Variants in GLE1 observed in about 807,000 individuals in gnomAD.
The protein encoded by GLE1 is mRNA export factor GLE1.
A neutral mutation model predicts 97.3 loss-of-function variants in GLE1; 78 were observed. The ratio of observed to expected loss-of-function variants is 0.80; its 90% CI spans 0.67 to 0.97. The LOEUF (loss-of-function observed/expected upper bound fraction) is 0.97. GLE1 is among the 50% of genes least tolerant of loss of function. The pLI is 0.00. For synonymous variants in GLE1, 302 were observed against 313.4 expected (o/e 0.96, Z 0.39); for missense variants, 753 against 857.5 (o/e 0.88, Z 1.52).
intron 15 of GLE1, chr9:128,540,821 C>A: frequency 2.1e-6 from 1 of 467,954 alleles, no homozygotes. Context: ...TTCAGCTTCT[C>A]AAAGCTCGAT....
chr9:128,520,048 G>A (rs1021018318), intron 3 of GLE1, among the ~76,000 whole-genome samples: 7 of 151,998 alleles, frequency 4.6e-5, no homozygotes, highest in African/African-American at 7.2e-5. Flanking sequence ...TCAAGAGATC[G>A]AGACCATCCT....
intron 9 of GLE1, among the ~76,000 whole-genome samples, chr9:128,529,998 G>A (rs1223898845): frequency 6.6e-6 from 1 of 152,050 alleles, no homozygotes; most frequent in Non-Finnish European, 1.5e-5. Flanking sequence ...GGATTTCAAC[G>A]TGTTAGCCAG....
In GLE1 at chr9:128,538,107, T is replaced by C. The variant is rs1847776362; in HGVS notation, c.1881+17T>C. 4 of 1,379,768 alleles carry C rather than the reference T, an allele frequency of 2.9e-6. No homozygotes were observed. Among genetic ancestry groups the C allele is most frequent in the Admixed American group, 1.7e-5 (1 of 59,480 alleles). The allele number at this position is 1,379,768 out of a possible 1,614,324, so 85.5% of individuals were successfully genotyped here. On this transcript the variant is annotated intron_variant, in intron 13 of 15. Coordinates refer to ENST00000309971, the MANE Select transcript of GLE1 (RefSeq NM_001003722.2). ...TTCCTGGAGGTACGTAACTCAGTTA[T>C]CACACAAGAGAAGGCCAGTGGTTGA... is the stretch of plus-strand genomic sequence containing the variant.
chr9:128,514,669 TGTTTAGTAGAGACAGG>T (rs1485306718), intron 2 of GLE1, among the ~76,000 whole-genome samples: 3 of 152,048 alleles, frequency 2.0e-5, no homozygotes, highest in East Asian at 3.9e-4. Flanking sequence ...GTCTTGTGTA[TGTTTAGTAGAGACAGG>T]GTTTAGTAGA....
intron 13 of GLE1, among the ~76,000 whole-genome samples, chr9:128,538,465 C>G (rs1324973320): frequency 6.6e-6 from 1 of 151,886 alleles, no homozygotes; most frequent in Non-Finnish European, 1.5e-5. Flanking sequence ...GAGTTCGAGC[C>G]CAGCTGGTCA....
chr9:128,505,575 G>A (rs1846618045), intron 1 of GLE1, among the ~76,000 whole-genome samples: 2 of 152,206 alleles, frequency 1.3e-5, no homozygotes, highest in Admixed American at 6.5e-5. Flanking sequence ...GCCAGCATAT[G>A]TGCTTTCAAA....
Position 128,533,593 on chromosome 9 carries a change from T to A in GLE1, c.1393T>A (p.Ser465Thr), listed in dbSNP as rs141709685. 2.4e-4 allele frequency: 395 copies of A among 1,613,948 alleles called. 1 individual carries two copies. The African/African-American group carries it at 4.9e-3, about 20-fold the overall frequency. ...TGTTCAATCTGGTGGGCGCTCTGTGTCTGTCACACTTAACCCACAGGGGCT... is the reference window on the plus strand; with the variant it reads ...TGTTCAATCTGGTGGGCGCTCTGTGACTGTCACACTTAACCCACAGGGGCT... ...KPVQSGGRSV[S>T]VTLNPQGLDF... is the part of the protein sequence containing the mutation. The change falls in exon 10 of 16, where the codon TCT (serine) becomes ACT (threonine). Residue 465 changes from serine to threonine, a missense_variant. By Grantham distance (58) the Ser-to-Thr change is moderately conservative (BLOSUM62 1). Transcript: ENST00000309971.
intron 11 of GLE1, among the ~76,000 whole-genome samples, chr9:128,534,360 G>A (rs890084323): frequency 2.0e-5 from 3 of 151,996 alleles, no homozygotes; most frequent in Admixed American, 6.6e-5. Flanking sequence ...CACAGCAAGA[G>A]TGTGTCTCAA....
intron 2 of GLE1, among the ~76,000 whole-genome samples, chr9:128,514,255 A>G (rs572862317): frequency 3.3e-5 from 5 of 150,270 alleles, no homozygotes; most frequent in East Asian, 4.0e-4. Context: ...AGGAGGATCA[A>G]TTGAAGCTGG....
chr9:128,529,843 A>C (rs1187027748), intron 9 of GLE1, among the ~76,000 whole-genome samples: 2 of 150,888 alleles, frequency 1.3e-5, no homozygotes, highest in South Asian at 2.1e-4. Flanking sequence ...GTGGCACTAT[A>C]TCGGCTCAGT....
chr9:128,514,834 T>G (rs1022087966), intron 2 of GLE1, among the ~76,000 whole-genome samples: 2 of 150,826 alleles, frequency 1.3e-5, no homozygotes, highest in Non-Finnish European at 2.9e-5. Context: ...GCCTTTTTTT[T>G]GAGATGGAGT....
intron 3 of GLE1, among the ~76,000 whole-genome samples, 194 bp from the exon 4 acceptor site, chr9:128,522,474 G>C (rs1233593375): frequency 1.3e-5 from 2 of 152,056 alleles, no homozygotes; most frequent in Non-Finnish European, 2.9e-5. Context: ...GGCCAACATG[G>C]TGAAACCGTC....
rs1847712714 is a variant in GLE1, at chr9:128,536,438, A to G, written c.1730A>G (p.Tyr577Cys). ...LKRMSGMIRL[Y>C]AAIIQLRWPY... ...CGCATGTCAGGGATGATCCGTCTCT[A>G]CGCTGCTATCATCCAGCTCCGGTGG... Residue 577 changes from tyrosine to cysteine, a missense_variant, in exon 12 of 16, where the codon TAC becomes TGC. By Grantham distance (194) the Tyr-to-Cys change is radical (BLOSUM62 -2). Coordinates refer to ENST00000309971, the MANE Select transcript of GLE1 (RefSeq NM_001003722.2). 2 of 1,614,062 alleles carry G rather than the reference A, an allele frequency of 1.2e-6. No homozygotes were observed. The highest frequency in any genetic ancestry group is 1.7e-6 in the Non-Finnish European group (2 of 1,179,936).
At chr9:128,521,361 C>T (rs1386079594) in intron 3 of GLE1, among the ~76,000 whole-genome samples, 1 of 151,998 alleles carries the variant, frequency 6.6e-6, no homozygotes, top group Non-Finnish European at 1.5e-5. Context: ...TAGTGAGACC[C>T]TGACTCTATA....
At chr9:128,524,251 G>C (rs1165430476) in intron 6 of GLE1, among the ~76,000 whole-genome samples, 1 of 151,416 alleles carries the variant, frequency 6.6e-6, no homozygotes, top group Non-Finnish European at 1.5e-5. Flanking sequence ...GCTAATTTTT[G>C]TATTTTTTTG....
chr9:128,524,130 A>C (rs1393974650), intron 6 of GLE1, among the ~76,000 whole-genome samples: 1 of 119,838 alleles, frequency 8.3e-6, no homozygotes. Flanking sequence ...CCCAGGCTGG[A>C]GTGCAGTAAC....
At chr9:128,514,430 T>G (rs1846917920) in intron 2 of GLE1, among the ~76,000 whole-genome samples, 1 of 149,860 alleles carries the variant, frequency 6.7e-6, no homozygotes, top group Non-Finnish European at 1.5e-5. Context: ...ATACTGGGTG[T>G]AGGAGGATAG....
rs368570527 is a variant in GLE1 at position 128,517,906 on chromosome 9, C to T, written c.432+2267C>T. 1.3e-4 allele frequency among the ~76,000 whole-genome samples: 19 copies of T among 151,992 alleles called. No individual in the cohort carries two copies. In the East Asian group the frequency reaches 2.7e-3, roughly 22 times the overall value. On this transcript the variant is annotated intron_variant, in intron 3 of 15. Transcript: ENST00000309971. ...ACTTGTGTTCCTTGATATACATGTCCTTCTGGATTCATTATTTTTTATTTG... is the reference window on the plus strand; with the variant it reads ...ACTTGTGTTCCTTGATATACATGTCTTTCTGGATTCATTATTTTTTATTTG...
chr9:128,519,980 C>T (rs906419268), intron 3 of GLE1, among the ~76,000 whole-genome samples: 5 of 152,080 alleles, frequency 3.3e-5, no homozygotes, highest in Non-Finnish European at 5.9e-5. Flanking sequence ...ATAGGGCACC[C>T]GTGGCTTACA....
Sources: gnomAD v4.1 joint callset for allele counts (sites outside exome capture counted in the v4.1 genomes callset) on GRCh38, gnomAD v4.1.1 for gene constraint, MANE v1.5 for transcripts, NCBI Gene and HGNC (gene_info 2026-07-23, HGNC 2026-07-21) for gene names.